MECOM: variants seen among roughly 807,000 people sequenced by gnomAD.
MECOM encodes the protein MDS1 and EVI1 complex locus.
A neutral mutation model predicts 116.3 loss-of-function variants in MECOM; 13 were observed. The ratio of observed to expected loss-of-function variants is 0.11; its 90% CI spans 0.07 to 0.18. The LOEUF is 0.18. Among genes scored for constraint, MECOM ranks in the 10% least tolerant of loss-of-function variants. The probability of loss-of-function intolerance (pLI) is 1.00; values close to 1 mark genes in which losing one functional copy is unlikely to be tolerated. For synonymous variants in MECOM, 528 were observed against 535.2 expected, an observed-to-expected ratio of 0.99 and a Z score of 0.19; for missense variants, 1,299 against 1,509.0, an observed-to-expected ratio of 0.86 and a Z score of 2.31.
intron 1 of MECOM, chr3:169,472,925 A>G (rs1261291639): frequency 7.2e-6 from 7 of 969,598 alleles, no homozygotes; most frequent in Non-Finnish European, 8.6e-6. Flanking sequence ...AAATCAATCA[A>G]AATATTTACT....
At chr3:169,431,847 A>C (rs1741696015) in intron 1 of MECOM, among the ~76,000 whole-genome samples, 1 of 152,172 alleles carries the variant, frequency 6.6e-6, no homozygotes, top group Non-Finnish European at 1.5e-5. Context: ...GGCACAGACC[A>C]AGGGGTTAGG....
intron 2 of MECOM, among the ~76,000 whole-genome samples, chr3:169,210,224 T>G (rs966669784): frequency 1.3e-5 from 2 of 152,000 alleles, no homozygotes; most frequent in African/African-American, 2.4e-5. Context: ...ACAAATAAGC[T>G]AATGTATGTG....
At position 169,353,984 on chromosome 3, in the gene MECOM, TC is replaced by T. The variant is rs1409543408; in HGVS notation, c.375+27202del. On this transcript the variant is annotated intron_variant, in intron 2 of 16. Transcript: ENST00000651503. ...AATCAAAGAATATTTATTCAGTCCC[TC>T]CATAGCTAACCAGTAGATTCGCATA... Among the ~76,000 whole-genome samples the T allele has an allele frequency of 2.0e-5, 3 of 151,910 alleles. No homozygotes were observed. The South Asian group carries it at 6.2e-4, about 31-fold the overall frequency.
chr3:169,340,917 T>C (rs1307469047), intron 2 of MECOM, among the ~76,000 whole-genome samples: 1 of 152,186 alleles, frequency 6.6e-6, no homozygotes, highest in African/African-American at 2.4e-5. Flanking sequence ...GAGCTGTGTC[T>C]ACATGAGACA....
intron 1 of MECOM, among the ~76,000 whole-genome samples, chr3:169,553,297 T>A (rs568947681): frequency 1.6e-3 from 240 of 152,212 alleles, no homozygotes; most frequent in Non-Finnish European, 3.0e-3. Flanking sequence ...AAGGGGATAA[T>A]AAGCAAATCA....
chr3:169,246,834 T>C (rs763848315), intron 2 of MECOM, among the ~76,000 whole-genome samples: 2 of 152,110 alleles, frequency 1.3e-5, no homozygotes, highest in Non-Finnish European at 2.9e-5. Context: ...ACAGTTTTTA[T>C]GTATTTACCT....
chr3:169,492,282 A>G (rs967652946), intron 1 of MECOM, among the ~76,000 whole-genome samples: 1 of 152,208 alleles, frequency 6.6e-6, no homozygotes, highest in African/African-American at 2.4e-5. Flanking sequence ...GACCTAGTTG[A>G]CCAACTCAAT....
At chr3:169,384,798 A>G (rs751849485) in intron 1 of MECOM, among the ~76,000 whole-genome samples, 16 of 152,126 alleles carry the variant, frequency 1.1e-4, no homozygotes, top group Admixed American at 4.6e-4. Context: ...GTTTCATGAA[A>G]GTGATCTTTA....
chr3:169,091,738 T>C (rs1412690559), intron 14 of MECOM, among the ~76,000 whole-genome samples: 4 of 152,124 alleles, frequency 2.6e-5, no homozygotes, highest in African/African-American at 9.7e-5. Context: ...TTTTTCTTGT[T>C]TTTCTTTGAT....
intron 2 of MECOM, among the ~76,000 whole-genome samples, chr3:169,374,140 C>CCTCT (rs372698429): frequency 6.7e-6 from 1 of 148,186 alleles, no homozygotes; most frequent in Non-Finnish European, 1.5e-5. Context: ...TCTCTCTCTC[C>CCTCT]CTCTCTCTCT....
chr3:169,452,993 A>ATATAT (rs1745859215), intron 1 of MECOM, among the ~76,000 whole-genome samples: 3 of 152,344 alleles, frequency 2.0e-5, no homozygotes, highest in African/African-American at 7.2e-5. Context: ...AATTTCTCAA[A>ATATAT]TGCAAACAAA....
chr3:169,482,570 G>A (rs1751489452), intron 1 of MECOM, among the ~76,000 whole-genome samples: 1 of 151,940 alleles, frequency 6.6e-6, no homozygotes, highest in Non-Finnish European at 1.5e-5. Flanking sequence ...TCCTGACCTC[G>A]TGATCCGCCC....
intron 5 of MECOM, among the ~76,000 whole-genome samples, chr3:169,123,175 CTT>C: frequency 6.6e-6 from 1 of 151,214 alleles, no homozygotes; most frequent in Non-Finnish European, 1.5e-5. Flanking sequence ...TTAATACTCA[CTT>C]AACTGAAACA....
At chr3:169,389,418 G>T (rs558635484) in intron 1 of MECOM, 6 of 293,126 alleles carry the variant, frequency 2.0e-5, no homozygotes, top group African/African-American at 1.4e-4. Context: ...AGGAGCCACC[G>T]TCACCAATAT....
intron 2 of MECOM, among the ~76,000 whole-genome samples, chr3:169,316,151 G>A (rs1035723964): frequency 6.6e-6 from 1 of 152,140 alleles, no homozygotes; most frequent in Non-Finnish European, 1.5e-5. Context: ...ACAGGGCCTG[G>A]GCTAAAAGCC....
chr3:169,415,584 G>A (rs1738424882), intron 1 of MECOM, among the ~76,000 whole-genome samples: 1 of 152,000 alleles, frequency 6.6e-6, no homozygotes, highest in Non-Finnish European at 1.5e-5. Flanking sequence ...GCACAGACAG[G>A]CAAATTGGAT....
chr3:169,559,284 G>A (rs1762387302), intron 1 of MECOM, among the ~76,000 whole-genome samples: 1 of 152,126 alleles, frequency 6.6e-6, no homozygotes, highest in Non-Finnish European at 1.5e-5. Context: ...TTGACTGGGT[G>A]AAGATATAAA....
chr3:169,365,288 C>T (rs1166848545), intron 2 of MECOM, among the ~76,000 whole-genome samples: 6 of 152,046 alleles, frequency 3.9e-5, no homozygotes, highest in East Asian at 3.9e-4. Flanking sequence ...GGATAACAGA[C>T]GTAAAACTGA....
chr3:169,215,006 C>T, intron 2 of MECOM, among the ~76,000 whole-genome samples: 1 of 150,062 alleles, frequency 6.7e-6, no homozygotes, highest in East Asian at 1.9e-4. Flanking sequence ...GCCTAAAAGC[C>T]CAGGCTTTTC....
Sources: gnomAD v4.1 joint callset for allele counts (sites outside exome capture counted in the v4.1 genomes callset) on GRCh38, gnomAD v4.1.1 for gene constraint, MANE v1.5 for transcripts, NCBI Gene and HGNC (gene_info 2026-07-23, HGNC 2026-07-21) for gene names.